The following PLCB4 variants were observed in gnomAD, a reference collection of about 807,000 sequenced individuals.
PLCB4 encodes the protein phospholipase C beta 4.
A neutral mutation model predicts 178.8 loss-of-function variants in PLCB4; 77 were observed. The observed-to-expected ratio is 0.43, with a 90% confidence interval of 0.36 to 0.52. PLCB4 has a LOEUF of 0.52. PLCB4 is among the 20% of genes least tolerant of loss of function. The pLI is 0.00. For synonymous variants in PLCB4, 496 were observed against 490.8 expected, an observed-to-expected ratio of 1.01 and a Z score of -0.14; for missense variants, 1,024 against 1,453.4, an observed-to-expected ratio of 0.70 and a Z score of 4.80.
rs1349001659 is a variant in PLCB4, at chr20:9,479,802, T to C, written c.*793T>C. 6.6e-6 allele frequency: 1 copy of C among 152,642 alleles called. No homozygotes were observed. Among genetic ancestry groups the C allele is most frequent in the Non-Finnish European group, 1.5e-5 (1 of 68,042 alleles). The allele number at this position is 152,642 out of a possible 1,614,324, so 9.5% of individuals were successfully genotyped here. On this transcript the variant is annotated 3_prime_UTR_variant, in exon 40 of 40. Coordinates refer to ENST00000378473, the MANE Select transcript of PLCB4 (RefSeq NM_001377142.1). ...AGTATTTATACTCTTTAATTCACAC[T>C]GTTAGAGAGCAAAATCATCTAAGTA...
chr20:9,419,647 A>G (rs1354120221), intron 25 of PLCB4, among the ~76,000 whole-genome samples, 160 bp from the exon 26 acceptor site: 1 of 152,224 alleles, frequency 6.6e-6, no homozygotes, highest in East Asian at 1.9e-4. Flanking sequence ...AAGGTTGTGC[A>G]TAAGGGCGGG....
intron 3 of PLCB4, among the ~76,000 whole-genome samples, chr20:9,236,508 C>T (rs1477623834): frequency 6.6e-6 from 1 of 152,160 alleles, no homozygotes; most frequent in African/African-American, 2.4e-5. Context: ...GAAGAGCCTA[C>T]TTAGACTGAG....
At chr20:9,292,057 A>G (rs2094584475) in intron 3 of PLCB4, among the ~76,000 whole-genome samples, 1 of 152,172 alleles carries the variant, frequency 6.6e-6, no homozygotes, top group South Asian at 2.1e-4. Flanking sequence ...ATGAGAAAAT[A>G]GTTTTAAAAT....
intron 7 of PLCB4, 151 bp downstream of exon 7, chr20:9,339,188 C>G: frequency 1.5e-6 from 1 of 678,848 alleles, no homozygotes; most frequent in Non-Finnish European, 2.4e-6. Flanking sequence ...AGAAAATCAG[C>G]AATTAAAATA....
intron 3 of PLCB4, among the ~76,000 whole-genome samples, chr20:9,250,426 C>T (rs558900369): frequency 6.6e-5 from 10 of 152,312 alleles, no homozygotes; most frequent in African/African-American, 1.9e-4. Context: ...AATGAATTCC[C>T]CTAAGATGTT....
At chr20:9,367,296 C>G (rs1470655481) in intron 9 of PLCB4, among the ~76,000 whole-genome samples, 1 of 152,068 alleles carries the variant, frequency 6.6e-6, no homozygotes, top group Non-Finnish European at 1.5e-5. Flanking sequence ...TTATTGAGGG[C>G]TTGTTGAGTC....
intron 2 of PLCB4, among the ~76,000 whole-genome samples, chr20:9,111,412 C>G (rs1323654409): frequency 6.6e-6 from 1 of 152,114 alleles, no homozygotes; most frequent in South Asian, 2.1e-4. Context: ...GAGTTGCTTT[C>G]TCTCATTGTT....
chr20:9,414,111 T>G (rs1057013537), intron 25 of PLCB4, among the ~76,000 whole-genome samples: 2 of 152,242 alleles, frequency 1.3e-5, no homozygotes, highest in Non-Finnish European at 2.9e-5. Context: ...AAAAGGATAC[T>G]GTTGCTACTT....
chr20:9,320,437 CA>C (rs564091477), intron 4 of PLCB4, among the ~76,000 whole-genome samples: 50 of 152,302 alleles, frequency 3.3e-4, no homozygotes, highest in Admixed American at 3.3e-3. Context: ...TTCCTTAGTG[CA>C]TCCTGTTTTA....
intron 38 of PLCB4, among the ~76,000 whole-genome samples, chr20:9,474,224 A>T (rs2044389678): frequency 6.6e-6 from 1 of 152,136 alleles, no homozygotes; most frequent in South Asian, 2.1e-4. Flanking sequence ...CAAAAAAAAA[A>T]AAAAAGGAGT....
chr20:9,326,088 GC>G (rs1419748122), intron 4 of PLCB4, among the ~76,000 whole-genome samples: 1 of 152,122 alleles, frequency 6.6e-6, no homozygotes, highest in African/African-American at 2.4e-5. Context: ...TCTCCCAAAG[GC>G]CCCCACTTCC....
chr20:9,267,848 G>A (rs554600775), intron 3 of PLCB4, among the ~76,000 whole-genome samples: 4 of 152,244 alleles, frequency 2.6e-5, no homozygotes, highest in East Asian at 1.9e-4. Flanking sequence ...TAATGGGTTA[G>A]CATGGGAGTG....
intron 34 of PLCB4, 88 bp from the exon 35 acceptor site, chr20:9,459,547 A>T: frequency 1.1e-6 from 1 of 888,246 alleles, no homozygotes; most frequent in Non-Finnish European, 1.7e-6. Flanking sequence ...GGTGGGAGGA[A>T]CCTGAAATAC....
intron 2 of PLCB4, among the ~76,000 whole-genome samples, chr20:9,120,245 T>C (rs1052424306): frequency 2.6e-5 from 4 of 152,168 alleles, no homozygotes; most frequent in Non-Finnish European, 5.9e-5. Flanking sequence ...AAGATAGCCA[T>C]GTCAGATTAA....
At chr20:9,139,209 T>G (rs2092440192) in intron 2 of PLCB4, among the ~76,000 whole-genome samples, 1 of 152,156 alleles carries the variant, frequency 6.6e-6, no homozygotes, top group Admixed American at 6.5e-5. Context: ...TATTCTGTTT[T>G]AGTTATCTCT....
chr20:9,473,306 G>A lies in PLCB4; in HGVS notation c.3436G>A (p.Asp1146Asn). Reference protein sequence around the residue: ...RLAMKQSKEMDQLKKVQLEHL... With the variant: ...RLAMKQSKEMNQLKKVQLEHL... ...TGCCATGAAGCAGTCCAAAGAAATG[G>A]ATCAGTTGAAAAAAGTCCAGCTTGA... The change falls in exon 38 of 40, where the codon GAT (aspartate) becomes AAT (asparagine). Residue 1146 changes from aspartate to asparagine, a missense_variant. This residue lies in a region of PLCB4 where 264 missense variants were observed against 283.2 expected (regional missense o/e 0.93). Transcript: ENST00000378473. The A allele has an allele frequency of 6.3e-7, 1 of 1,592,110 alleles. No homozygotes were observed.
At chr20:9,127,924 T>TG (rs2092166563) in intron 2 of PLCB4, among the ~76,000 whole-genome samples, 1 of 152,124 alleles carries the variant, frequency 6.6e-6, no homozygotes, top group Non-Finnish European at 1.5e-5. Context: ...TGACCTCAAG[T>TG]GATCTGCCCG....
At chr20:9,255,764 G>A (rs1190291959) in intron 3 of PLCB4, among the ~76,000 whole-genome samples, 2 of 151,998 alleles carry the variant, frequency 1.3e-5, no homozygotes, top group Non-Finnish European at 2.9e-5. Flanking sequence ...CTCTGCATTC[G>A]TAGCATGAAA....
At chr20:9,189,792 G>A (rs2093376996) in intron 2 of PLCB4, among the ~76,000 whole-genome samples, 1 of 152,134 alleles carries the variant, frequency 6.6e-6, no homozygotes, top group Admixed American at 6.5e-5. Flanking sequence ...AAGGGCAAAA[G>A]GACCTGGCTA....
Sources: allele counts gnomAD v4.1 joint callset (sites outside exome capture counted in the v4.1 genomes callset), GRCh38; gene constraint gnomAD v4.1.1; regional missense constraint gnomAD v4.1.1; transcripts MANE v1.5; gene names NCBI Gene and HGNC (gene_info 2026-07-23, HGNC 2026-07-21).